Variants in HLCS observed in about 807,000 individuals in gnomAD.
HLCS encodes the protein biotin--protein ligase.
In HLCS, 53 loss-of-function variants were observed where a neutral mutation model predicts 75.0. The ratio of observed to expected loss-of-function variants is 0.71; its 90% CI spans 0.57 to 0.89. The LOEUF (loss-of-function observed/expected upper bound fraction) is 0.89. HLCS is among the 40% of genes least tolerant of loss of function. The pLI, the probability that HLCS is intolerant of heterozygous loss-of-function variation, is 0.00. For missense variants in HLCS, 966 were observed against 1,074.0 expected (o/e 0.90, Z 1.41); for synonymous variants, 431 against 428.6 (o/e 1.01, Z -0.07).
At chr21:36,776,133 C>G (rs1365846620) in intron 6 of HLCS, among the ~76,000 whole-genome samples, 2 of 152,122 alleles carry the variant, frequency 1.3e-5, no homozygotes, top group Admixed American at 6.6e-5. Flanking sequence ...CCTTTTACTT[C>G]GAAATAATAT....
intron 6 of HLCS, among the ~76,000 whole-genome samples, chr21:36,821,480 G>A (rs1378522366): frequency 1.2e-4 from 19 of 152,174 alleles, no homozygotes; most frequent in Admixed American, 9.2e-4. Flanking sequence ...CACGGCCACC[G>A]TGTCACACTT....
intron 6 of HLCS, among the ~76,000 whole-genome samples, chr21:36,891,771 TAC>T (rs1319415793): frequency 1.3e-5 from 2 of 152,172 alleles, no homozygotes; most frequent in African/African-American, 4.8e-5. Context: ...TGGGAAAGAA[TAC>T]AGATTTGATT....
rs144598736 is a variant in HLCS, at chr21:36,756,618, C to T, written c.2374G>A (p.Glu792Lys). The T allele has an allele frequency of 1.9e-6, 3 of 1,614,028 alleles. No individual in the cohort carries two copies. The African/African-American group carries it at 4.0e-5, about 22-fold the overall frequency. ...TCCTGAAACTCTTTGATCAGTTTCT[C>T]CAGCACAGTCACGACTCTGGCGATG... is the stretch of plus-strand genomic sequence containing the variant. ...YLIARVVTVL[E>K]KLIKEFQDKG... Residue 792 changes from glutamate (E) to lysine (K), a missense_variant, in exon 10 of 11, where the codon GAG becomes AAG. By Grantham distance (56) the Glu-to-Lys change is moderately conservative. Transcript: ENST00000674895.
chr21:36,869,652 C>A (rs527872347), intron 6 of HLCS, among the ~76,000 whole-genome samples: 1 of 152,160 alleles, frequency 6.6e-6, no homozygotes, highest in Non-Finnish European at 1.5e-5. Context: ...TACTTTTGAT[C>A]ATTCTCATCT....
chr21:36,975,637 G>A (rs774663792), intron 1 of HLCS, among the ~76,000 whole-genome samples: 2 of 152,114 alleles, frequency 1.3e-5, no homozygotes, highest in African/African-American at 2.4e-5. Context: ...GCCAGGCATG[G>A]TGGCACGTGC....
chr21:36,907,232 G>GA (rs2065498436), intron 5 of HLCS, among the ~76,000 whole-genome samples: 1 of 152,096 alleles, frequency 6.6e-6, no homozygotes, highest in Admixed American at 6.5e-5. Flanking sequence ...AAATACAGGA[G>GA]AAAACCTTTC....
At chr21:36,858,260 T>C (rs1157209038) in intron 6 of HLCS, among the ~76,000 whole-genome samples, 1 of 152,234 alleles carries the variant, frequency 6.6e-6, no homozygotes, top group Non-Finnish European at 1.5e-5. Context: ...TTTTAATATT[T>C]AATTCACTCA....
intron 5 of HLCS, among the ~76,000 whole-genome samples, chr21:36,907,566 G>A (rs2065513172): frequency 6.6e-6 from 1 of 152,072 alleles, no homozygotes; most frequent in South Asian, 2.1e-4. Flanking sequence ...TGAGGCAGCA[G>A]AATTGCTTCA....
intron 6 of HLCS, among the ~76,000 whole-genome samples, chr21:36,888,879 C>T (rs2146303092): frequency 6.6e-6 from 1 of 152,112 alleles, no homozygotes; most frequent in East Asian, 1.9e-4. Flanking sequence ...GAAACAAGGC[C>T]CAACACACAG....
chr21:36,880,037 G>A (rs2064142982), intron 6 of HLCS, among the ~76,000 whole-genome samples: 1 of 152,148 alleles, frequency 6.6e-6, no homozygotes, highest in South Asian at 2.1e-4. Context: ...TCTGGCCCCT[G>A]AGGTGCCTGC....
chr21:36,949,331 T>C (rs2067561318), intron 2 of HLCS, among the ~76,000 whole-genome samples: 1 of 152,246 alleles, frequency 6.6e-6, no homozygotes, highest in Non-Finnish European at 1.5e-5. Flanking sequence ...CCTCTGTCAC[T>C]GAGCTGGAGC....
At chr21:36,828,399 GAAT>G (rs2062084489) in intron 6 of HLCS, among the ~76,000 whole-genome samples, 2 of 151,962 alleles carry the variant, frequency 1.3e-5, no homozygotes, top group African/African-American at 2.4e-5. Flanking sequence ...ATGAATGAAT[GAAT>G]GAGTGAATAA....
In HLCS at chr21:36,961,248, G is replaced by A. The variant is rs1601891912; in HGVS notation, c.330+788C>T. On this transcript the variant is annotated intron_variant, in intron 2 of 10. Coordinates refer to ENST00000674895, the MANE Select transcript of HLCS (RefSeq NM_001352514.2). ...GGTGGTGATATACCCCAGCCACTCA[G>A]GTTGATTTAGGAAGCAAGAAATTGT... 2.0e-5 allele frequency among the ~76,000 whole-genome samples: 3 copies of A among 152,222 alleles called. No individual in the cohort carries two copies. In the South Asian group the frequency reaches 6.2e-4, roughly 32 times the overall value.
rs2146101560 is a variant in HLCS, at chr21:36,842,675, G to A, written c.1892+54185C>T. ...CGAGAATTGCTTGAACCCGGGAGGT[G>A]GAGGTTGCAGTAAGCCAAGATTGTG... On this transcript the variant is annotated intron_variant, in intron 6 of 10. Coordinates refer to ENST00000674895, the MANE Select transcript of HLCS (RefSeq NM_001352514.2). The surrounding 1 kb of genome is among the most constrained non-coding windows in gnomAD (Gnocchi z 4.2). Among the ~76,000 whole-genome samples, 1 of 152,224 alleles carries A rather than the reference G, an allele frequency of 6.6e-6. No homozygotes were observed. The highest frequency in any genetic ancestry group is 1.9e-4 in the East Asian group (1 of 5,182).
At chr21:36,914,699 A>G (rs1157040633) in intron 5 of HLCS, among the ~76,000 whole-genome samples, 1 of 152,242 alleles carries the variant, frequency 6.6e-6, no homozygotes, top group African/African-American at 2.4e-5. Flanking sequence ...GCAAGTGCAG[A>G]GACCAAAGAG....
At position 36,936,921 on chromosome 21, in the gene HLCS, G is replaced by A; in HGVS notation, c.965C>T (p.Ala322Val). 1 of 1,614,194 alleles carries A rather than the reference G, an allele frequency of 6.2e-7. No individual in the cohort carries two copies. Among genetic ancestry groups the A allele is most frequent in the Non-Finnish European group, 8.5e-7 (1 of 1,180,034 alleles). ...CCGGACCTCGTGGAACCGGCCGAGG[G>A]CTTCCTGGGAGTCGGAGCCCACATA... ...LLYVGSDSQE[A>V]LGRFHEVRSV... The change falls in exon 4 of 11, where the codon GCC (alanine) becomes GTC (valine). Residue 322 changes from alanine (A) to valine (V), a missense_variant. Ala to Val is a moderately conservative substitution (Grantham distance 64). Coordinates refer to ENST00000674895, the MANE Select transcript of HLCS (RefSeq NM_001352514.2).
chr21:36,821,135 G>C (rs963371943), intron 6 of HLCS, among the ~76,000 whole-genome samples: 3 of 152,172 alleles, frequency 2.0e-5, no homozygotes, highest in Non-Finnish European at 4.4e-5. Context: ...CCTCAGCCAA[G>C]GACTGGGGAC....
intron 6 of HLCS, among the ~76,000 whole-genome samples, chr21:36,796,179 C>T (rs2061019281): frequency 1.3e-5 from 2 of 152,196 alleles, no homozygotes; most frequent in Non-Finnish European, 2.9e-5. Context: ...AACACTTAAA[C>T]ACACAGATGT....
intron 5 of HLCS, among the ~76,000 whole-genome samples, chr21:36,904,138 A>G (rs1211353434): frequency 6.6e-6 from 1 of 152,232 alleles, no homozygotes; most frequent in African/African-American, 2.4e-5. Flanking sequence ...TAGCAACAGA[A>G]AACGGACTAA....
Sources: allele counts gnomAD v4.1 joint callset (sites outside exome capture counted in the v4.1 genomes callset), GRCh38; gene constraint gnomAD v4.1.1; non-coding constraint Gnocchi (gnomAD v3.1); transcripts MANE v1.5; gene names NCBI Gene and HGNC (gene_info 2026-07-23, HGNC 2026-07-21).